Variants in IMMP2L observed in about 807,000 individuals in gnomAD.
IMMP2L encodes mitochondrial inner membrane protease subunit 2.
Under a neutral mutation model 19.3 loss-of-function variants are expected in IMMP2L, and 18 were observed. That is an observed-to-expected ratio of 0.93 (90% CI 0.64 to 1.38). The LOEUF is 1.38. Ranked by LOEUF, IMMP2L falls within the 40% of genes most tolerant of loss-of-function variation. IMMP2L has a pLI of 0.00. For missense variants in IMMP2L, 233 were observed against 218.2 expected (o/e 1.07, Z -0.43); for synonymous variants, 76 against 73.0 (o/e 1.04, Z -0.21).
intron 3 of IMMP2L, among the ~76,000 whole-genome samples, chr7:111,271,286 T>C (rs1350099418): frequency 6.6e-6 from 1 of 152,178 alleles, no homozygotes; most frequent in Non-Finnish European, 1.5e-5. Flanking sequence ...ATTAAACCTC[T>C]TCCTTTATAA....
chr7:111,265,488 T>C (rs769932370), intron 3 of IMMP2L, among the ~76,000 whole-genome samples: 23 of 152,152 alleles, frequency 1.5e-4, no homozygotes, highest in Non-Finnish European at 2.9e-4. Context: ...GACCAATTCT[T>C]ATCATCAAGG....
intron 3 of IMMP2L, among the ~76,000 whole-genome samples, chr7:111,083,610 C>T (rs916569372): frequency 1.3e-5 from 2 of 152,162 alleles, no homozygotes; most frequent in Non-Finnish European, 2.9e-5. Flanking sequence ...TCTAGCTTTC[C>T]TTCTTCACTA....
At chr7:110,828,118 C>T (rs1803665805) in intron 5 of IMMP2L, among the ~76,000 whole-genome samples, 1 of 152,036 alleles carries the variant, frequency 6.6e-6, no homozygotes, top group Non-Finnish European at 1.5e-5. Flanking sequence ...TGTAAATGAC[C>T]AGACTAAACA....
At chr7:111,119,213 A>G (rs1361141012) in intron 3 of IMMP2L, among the ~76,000 whole-genome samples, 2 of 152,196 alleles carry the variant, frequency 1.3e-5, no homozygotes. Flanking sequence ...CAGAAATGCA[A>G]TTGGACTTTG....
chr7:111,249,639 A>T (rs1815839139), intron 3 of IMMP2L, among the ~76,000 whole-genome samples: 1 of 152,224 alleles, frequency 6.6e-6, no homozygotes, highest in African/African-American at 2.4e-5. Context: ...TTCATCACAT[A>T]AACAGAACTA....
In IMMP2L at chr7:111,260,931, C is replaced by G. The variant is rs111724907; in HGVS notation, c.239+226307G>C. ...TGGCAATTCTTACTATTCTTGATTA[C>G]AGCGTAAATACATGAGGATAAAAAA... is the stretch of plus-strand genomic sequence containing the variant. On this transcript the variant is annotated intron_variant, in intron 3 of 5. Coordinates refer to ENST00000405709, the MANE Select transcript of IMMP2L (RefSeq NM_032549.4). Among the ~76,000 whole-genome samples, 542 of 152,036 alleles carry G rather than the reference C, an allele frequency of 3.6e-3. 3 individuals are homozygous for G. Among genetic ancestry groups the G allele is most frequent in the African/African-American group, 0.012 (512 of 41,478 alleles).
rs1827617851 is a variant in IMMP2L, at chr7:111,346,860, C to A, written c.239+140378G>T. On this transcript the variant is annotated intron_variant, in intron 3 of 5. Transcript: ENST00000405709. Reference sequence around the variant, plus strand: ...CTCTGGGCTTTAAATTCCAGCTACACCACTTTAATTTGTGTGAATGAAGCT... The same window carrying A: ...CTCTGGGCTTTAAATTCCAGCTACAACACTTTAATTTGTGTGAATGAAGCT... Among the ~76,000 whole-genome samples the A allele has an allele frequency of 1.3e-5, 2 of 152,148 alleles. 1 individual carries two copies. Among genetic ancestry groups the A allele is most frequent in the Middle Eastern group, 6.8e-3 (2 of 294 alleles).
intron 5 of IMMP2L, among the ~76,000 whole-genome samples, chr7:110,687,616 T>C (rs1478289436): frequency 6.6e-6 from 1 of 152,090 alleles, no homozygotes; most frequent in African/African-American, 2.4e-5. Flanking sequence ...AACAAATTAG[T>C]TTAAAATTTA....
At chr7:111,439,024 G>A (rs1157807847) in intron 3 of IMMP2L, among the ~76,000 whole-genome samples, 1 of 151,820 alleles carries the variant, frequency 6.6e-6, no homozygotes, top group African/African-American at 2.4e-5. Context: ...AAAGAATGTG[G>A]ACACAATGTG....
intron 3 of IMMP2L, among the ~76,000 whole-genome samples, chr7:111,331,534 T>C (rs768922469): frequency 2.0e-5 from 3 of 151,836 alleles, no homozygotes; most frequent in African/African-American, 4.8e-5. Context: ...GTACTGCACA[T>C]CTTAAAATTG....
intron 1 of IMMP2L, among the ~76,000 whole-genome samples, chr7:111,539,461 G>A (rs994397658): frequency 1.3e-5 from 2 of 151,938 alleles, no homozygotes; most frequent in Non-Finnish European, 2.9e-5. Flanking sequence ...CCAATTAACA[G>A]CTGATTTTTA....
At chr7:111,463,493 A>T (rs1370861344) in intron 3 of IMMP2L, among the ~76,000 whole-genome samples, 1 of 152,134 alleles carries the variant, frequency 6.6e-6, no homozygotes, top group Non-Finnish European at 1.5e-5. Flanking sequence ...TCAAGATCAC[A>T]AGACAACAGA....
chr7:111,328,416 C>T (rs1825544128), intron 3 of IMMP2L, among the ~76,000 whole-genome samples: 3 of 151,638 alleles, frequency 2.0e-5, no homozygotes. Context: ...CTGAGTTTTC[C>T]CCAGTAGAAA....
At position 110,757,799 on chromosome 7, in the gene IMMP2L, T is replaced by C. The variant is rs1051562921; in HGVS notation, c.409-94078A>G. ...TGTCATCTGTGTTTTGTCAGCACTC[T>C]GACGGAAAAAACCTCATTAGGAAGG... On this transcript the variant is annotated intron_variant, in intron 5 of 5. Transcript: ENST00000405709. The surrounding 1 kb of genome is among the most constrained non-coding windows in gnomAD (Gnocchi z 4.2). 6.6e-6 allele frequency among the ~76,000 whole-genome samples: 1 copy of C among 152,124 alleles called. No homozygotes were observed. Among genetic ancestry groups the C allele is most frequent in the African/African-American group, 2.4e-5 (1 of 41,438 alleles).
At chr7:111,065,783 C>T (rs973897105) in intron 3 of IMMP2L, among the ~76,000 whole-genome samples, 3 of 152,170 alleles carry the variant, frequency 2.0e-5, no homozygotes, top group Non-Finnish European at 4.4e-5. Flanking sequence ...ATCTTCCTTG[C>T]TCCTCAGCTT....
intron 2 of IMMP2L, among the ~76,000 whole-genome samples, chr7:111,495,194 T>C (rs1449500557): frequency 6.6e-6 from 1 of 152,146 alleles, no homozygotes; most frequent in Non-Finnish European, 1.5e-5. Context: ...TTAGCTCTGG[T>C]TGATGAAATG....
At chr7:110,941,150 G>A (rs575714758) in intron 4 of IMMP2L, among the ~76,000 whole-genome samples, 2 of 152,226 alleles carry the variant, frequency 1.3e-5, no homozygotes, top group East Asian at 1.9e-4. Context: ...TGTGCATTTC[G>A]CATCTCCAGC....
At chr7:111,512,222 G>A (rs1845513890) in intron 2 of IMMP2L, among the ~76,000 whole-genome samples, 1 of 152,030 alleles carries the variant, frequency 6.6e-6, no homozygotes, top group Non-Finnish European at 1.5e-5. Flanking sequence ...CTAATACATA[G>A]TACAACATGG....
intron 4 of IMMP2L, among the ~76,000 whole-genome samples, chr7:110,953,842 T>C (rs909915582): frequency 2.0e-5 from 3 of 152,152 alleles, no homozygotes; most frequent in African/African-American, 7.2e-5. Flanking sequence ...GTTTCCTGAC[T>C]TTTTAATGAT....
Sources: gnomAD v4.1 joint callset for allele counts (sites outside exome capture counted in the v4.1 genomes callset) on GRCh38, gnomAD v4.1.1 for gene constraint, Gnocchi (gnomAD v3.1) non-coding constraint, MANE v1.5 for transcripts, NCBI Gene and HGNC (gene_info 2026-07-23, HGNC 2026-07-21) for gene names.